CNKSR3: variants seen among roughly 807,000 people sequenced by gnomAD.
CNKSR3 encodes the protein CNKSR family member 3.
A neutral mutation model predicts 67.7 loss-of-function variants in CNKSR3; 36 were observed. That is an observed-to-expected ratio of 0.53 (90% confidence interval 0.41 to 0.70). CNKSR3 has a LOEUF of 0.70. Among genes scored for constraint, CNKSR3 ranks in the 30% least tolerant of loss-of-function variants. The probability of loss-of-function intolerance (pLI) is 0.00; values close to 1 mark genes in which losing one functional copy is unlikely to be tolerated. For synonymous variants in CNKSR3, 281 were observed against 271.4 expected (o/e 1.04, Z -0.35); for missense variants, 630 against 695.2 (o/e 0.91, Z 1.05).
chr6:154,419,923 T>C (rs995951090), intron 9 of CNKSR3, among the ~76,000 whole-genome samples: 1 of 151,844 alleles, frequency 6.6e-6, no homozygotes, highest in African/African-American at 2.4e-5. Flanking sequence ...CTACTAAAAA[T>C]ACAAAAATTA....
intron 1 of CNKSR3, among the ~76,000 whole-genome samples, chr6:154,499,552 A>G (rs1786941795): frequency 6.6e-6 from 1 of 152,230 alleles, no homozygotes; most frequent in Non-Finnish European, 1.5e-5. Context: ...TGTGCCTGGG[A>G]AACGGTCTCT....
At chr6:154,432,335 T>C (rs9397718) in intron 5 of CNKSR3, among the ~76,000 whole-genome samples, 95,158 of 152,130 alleles carry the variant, frequency 0.63, 30,478 homozygotes, top group African/African-American at 0.72. Context: ...AGATCTTTTG[T>C]CTCCTTTTTA....
chr6:154,388,924 C>T lies in CNKSR3; in HGVS notation c.*17430G>A, dbSNP rs1338595790. ...GAGCCCATGCTATTCAGATCCTTGGCCCATTTGTAAAAATTGGGTTTTTTT... is the reference window on the plus strand; with the variant it reads ...GAGCCCATGCTATTCAGATCCTTGGTCCATTTGTAAAAATTGGGTTTTTTT... On this transcript the variant is annotated 3_prime_UTR_variant, in exon 13 of 13. Transcript: ENST00000607772. 1 of 145,336 alleles carries T rather than the reference C, an allele frequency of 6.9e-6. No individual in the cohort carries two copies. Among genetic ancestry groups the T allele is most frequent in the Non-Finnish European group, 1.5e-5 (1 of 66,936 alleles). 9.0% of individuals were successfully genotyped at this position (145,336 alleles called of 1,614,324 possible).
In CNKSR3 at chr6:154,394,615, A is replaced by T. The variant is rs1193511140; in HGVS notation, c.*11739T>A. 4 of 93,200 alleles carry T rather than the reference A, an allele frequency of 4.3e-5. No homozygotes were observed. In the Admixed American group the frequency reaches 5.6e-4, roughly 13 times the overall value. 5.8% of individuals were successfully genotyped at this position (93,200 alleles called of 1,614,324 possible). On this transcript the variant is annotated 3_prime_UTR_variant, in exon 13 of 13. Transcript: ENST00000607772. ...ATAGCATGAGCCTAATACAAGAAGT[A>T]AAAAAAAAAAAAAAAAAAAAGAAGA...
At position 154,454,082 on chromosome 6, in the gene CNKSR3, A is replaced by AACACACACACAC. The variant is rs368097129; in HGVS notation, c.53-3836_53-3825dup. On this transcript the variant is annotated intron_variant, in intron 1 of 12. Transcript: ENST00000607772. The stretch of plus-strand genomic sequence containing the variant: ...AAGGAAATCCCAAATGCAAGATGAA[A>AACACACACACAC]ACACACACACACACACACACACAGA... Among the ~76,000 whole-genome samples the AACACACACACAC allele has an allele frequency of 1.6e-3, 128 of 78,260 alleles. 2 individuals are homozygous for AACACACACACAC. The highest frequency in any genetic ancestry group is 6.6e-3 in the African/African-American group (118 of 17,920). The allele number at this position is 78,260 out of a possible 152,430, so 51.3% of individuals were successfully genotyped here.
In CNKSR3 at chr6:154,510,620, A is replaced by C. The variant is rs763000592; in HGVS notation, c.-506T>G. On this transcript the variant is annotated 5_prime_UTR_variant, in exon 1 of 13. Coordinates refer to ENST00000607772, the MANE Select transcript of CNKSR3 (RefSeq NM_173515.4). ...CGCCGCCCTCCCGTGCCGCCCTGGC[A>C]GGGCCGAGCGCAGAGCGTGCGCGCT... 5.5e-5 allele frequency: 9 copies of C among 163,638 alleles called. No individual in the cohort carries two copies. The highest frequency in any genetic ancestry group is 1.0e-4 in the Non-Finnish European group (8 of 76,292). The allele number at this position is 163,638 out of a possible 1,614,324, so 10.1% of individuals were successfully genotyped here. A position where few individuals can be genotyped will look rare whatever the true frequency, so the allele number is the denominator to read the frequency against.
At chr6:154,480,718 C>A (rs181486729) in intron 1 of CNKSR3, among the ~76,000 whole-genome samples, 1 of 152,326 alleles carries the variant, frequency 6.6e-6, no homozygotes, top group East Asian at 1.9e-4. Context: ...AGATATACCA[C>A]GTTCTTGACC....
At chr6:154,501,458 C>A (rs1786991932) in intron 1 of CNKSR3, among the ~76,000 whole-genome samples, 1 of 152,146 alleles carries the variant, frequency 6.6e-6, no homozygotes, top group South Asian at 2.1e-4. Flanking sequence ...GTCTCTCTCA[C>A]CTGCTCTTCA....
At chr6:154,474,846 G>A (rs75826216) in intron 1 of CNKSR3, among the ~76,000 whole-genome samples, 3,468 of 152,246 alleles carry the variant, frequency 0.023, 54 homozygotes, top group Non-Finnish European at 0.035. Flanking sequence ...AGAAGTGTGG[G>A]AAGAAGATGA....
intron 1 of CNKSR3, among the ~76,000 whole-genome samples, chr6:154,467,235 C>T (rs6936136): frequency 0.51 from 78,143 of 151,920 alleles, 21,825 homozygotes; most frequent in African/African-American, 0.75. Context: ...CCTCATGGCC[C>T]GTTTCTTGTT....
chr6:154,430,532 C>T lies in CNKSR3; in HGVS notation c.609G>A (p.Met203Ile), dbSNP rs750916206. 6 of 1,612,522 alleles carry T rather than the reference C, an allele frequency of 3.7e-6. No individual in the cohort carries two copies. Among genetic ancestry groups the T allele is most frequent in the South Asian group, 3.3e-5 (3 of 90,886 alleles). ...CTTCCTCCAGACATGCACACTGGCT[C>T]ATCACAGGATCTGTGGTAGATCGGA... ...KTIRSTTDPV[M>I]SQCACLEEVH... The change falls in exon 6 of 13, where the codon ATG becomes ATA. Residue 203 changes from methionine to isoleucine, a missense_variant. By Grantham distance (10) the Met-to-Ile change is conservative (BLOSUM62 1). This residue lies in a region of CNKSR3 where 133 missense variants were observed against 190.6 expected (regional missense o/e 0.70). Coordinates refer to ENST00000607772, the MANE Select transcript of CNKSR3 (RefSeq NM_173515.4).
At position 154,406,570 on chromosome 6, in the gene CNKSR3, G is replaced by T; in HGVS notation, c.1452C>A (p.Phe484Leu). Reference protein sequence around the residue: ...IEESSSPPYRFSRPTTERHLV... With the variant: ...IEESSSPPYRLSRPTTERHLV... ...GATGCCGCTCGGTCGTGGGTCTGGA[G>T]AACCGGTATGGGGGAGAGGAGCTCT... Residue 484 changes from phenylalanine (F) to leucine (L), a missense_variant, in exon 13 of 13, where the codon TTC (phenylalanine) becomes TTA (leucine). Around this residue, in one of 3 missense-constraint regions of CNKSR3, gnomAD observed 308 missense variants for 299.6 expected, o/e 1.03. Transcript: ENST00000607772. The T allele has an allele frequency of 6.2e-7, 1 of 1,614,200 alleles. No individual in the cohort carries two copies. Among genetic ancestry groups the T allele is most frequent in the South Asian group, 1.1e-5 (1 of 91,086 alleles).
At chr6:154,406,793 C>A in intron 12 of CNKSR3, 141 bp from the exon 13 acceptor site, 1 of 706,744 alleles carries the variant, frequency 1.4e-6, no homozygotes. Flanking sequence ...CATGGTGAAA[C>A]CCCGTCTCTA....
At chr6:154,487,930 C>T (rs191962472) in intron 1 of CNKSR3, among the ~76,000 whole-genome samples, 398 of 152,254 alleles carry the variant, frequency 2.6e-3, no homozygotes, top group Non-Finnish European at 4.9e-3. Flanking sequence ...ACTACTATCA[C>T]TTGACTTTGA....
chr6:154,423,181 T>A (rs1181809161), intron 7 of CNKSR3, among the ~76,000 whole-genome samples, 198 bp from the exon 8 acceptor site: 1 of 152,238 alleles, frequency 6.6e-6, no homozygotes, highest in African/African-American at 2.4e-5. Flanking sequence ...TCTATCTTAT[T>A]AGTGTCTGTT....
intron 9 of CNKSR3, chr6:154,414,635 G>A (rs1784980860): frequency 1.6e-6 from 1 of 636,080 alleles, no homozygotes. Flanking sequence ...GATGTATAGT[G>A]GCAAGAAGCA....
chr6:154,456,707 CAAAAAAAAAAAA>C (rs10536163), intron 1 of CNKSR3, among the ~76,000 whole-genome samples: 20 of 45,394 alleles, frequency 4.4e-4, no homozygotes, highest in South Asian at 3.9e-3. Flanking sequence ...AACTCTGTCT[CAAAAAAAAAAAA>C]AAAAAAAAAA....
chr6:154,458,581 C>A (rs1323642864), intron 1 of CNKSR3, among the ~76,000 whole-genome samples: 2 of 152,060 alleles, frequency 1.3e-5, no homozygotes, highest in Non-Finnish European at 2.9e-5. Context: ...AAAAAAAGTT[C>A]CCTCGGGCCC....
intron 1 of CNKSR3, among the ~76,000 whole-genome samples, chr6:154,509,574 G>T (rs955731222): frequency 1.3e-5 from 2 of 152,100 alleles, no homozygotes; most frequent in African/African-American, 2.4e-5. Flanking sequence ...CAGGCTCGGC[G>T]GACCCGCCGG....
Sources: allele counts gnomAD v4.1 joint callset (sites outside exome capture counted in the v4.1 genomes callset), GRCh38; gene constraint gnomAD v4.1.1; regional missense constraint gnomAD v4.1.1; transcripts MANE v1.5; gene names NCBI Gene and HGNC (gene_info 2026-07-23, HGNC 2026-07-21).